Variants in GPC6 observed in about 807,000 individuals in gnomAD.
GPC6 encodes glypican-6.
A neutral mutation model predicts 55.2 loss-of-function variants in GPC6; 14 were observed. The observed-to-expected ratio is 0.25, with a 90% CI of 0.17 to 0.40. The LOEUF (loss-of-function observed/expected upper bound fraction) is 0.40, where lower values mean the gene tolerates loss of function less well. GPC6 is among the 10% of genes least tolerant of loss of function. The pLI is 1.00. For missense variants in GPC6, 641 were observed against 708.5 expected (o/e 0.90, Z 1.08); for synonymous variants, 278 against 259.6 (o/e 1.07, Z -0.68).
At chr13:93,546,762 C>T (rs1490796954) in intron 2 of GPC6, among the ~76,000 whole-genome samples, 1 of 152,150 alleles carries the variant, frequency 6.6e-6, no homozygotes, top group Non-Finnish European at 1.5e-5. Flanking sequence ...CTTCAAGCTA[C>T]AGCAATTTGA....
At chr13:93,731,570 G>C (rs1273508372) in intron 2 of GPC6, among the ~76,000 whole-genome samples, 1 of 152,108 alleles carries the variant, frequency 6.6e-6, no homozygotes. Flanking sequence ...TATATCAAAT[G>C]TATTGTATAT....
intron 3 of GPC6, among the ~76,000 whole-genome samples, chr13:93,906,384 A>G (rs1876671888): frequency 6.6e-6 from 1 of 152,162 alleles, no homozygotes; most frequent in Non-Finnish European, 1.5e-5. Context: ...TGAACAGCTT[A>G]TTATAGTTGG....
At chr13:94,310,793 G>A (rs1328405618) in intron 6 of GPC6, among the ~76,000 whole-genome samples, 1 of 151,968 alleles carries the variant, frequency 6.6e-6, no homozygotes. Context: ...TCTAATCTTG[G>A]TGGAAGACCA....
intron 1 of GPC6, among the ~76,000 whole-genome samples, chr13:93,533,292 T>G (rs1881936220): frequency 6.6e-6 from 1 of 152,230 alleles, no homozygotes; most frequent in African/African-American, 2.4e-5. Context: ...TAACTCCAGT[T>G]TAAATTATCT....
chr13:93,918,570 G>C (rs1380010298), intron 3 of GPC6, among the ~76,000 whole-genome samples: 1 of 152,112 alleles, frequency 6.6e-6, no homozygotes, highest in Non-Finnish European at 1.5e-5. Flanking sequence ...GAGAGTTCCA[G>C]TGCTAAAACA....
intron 4 of GPC6, among the ~76,000 whole-genome samples, chr13:94,225,944 G>A (rs1025261306): frequency 6.6e-6 from 1 of 152,046 alleles, no homozygotes; most frequent in Non-Finnish European, 1.5e-5. Flanking sequence ...TACATTCTGT[G>A]AATTCATAAT....
At chr13:93,928,288 G>T (rs1877964161) in intron 3 of GPC6, among the ~76,000 whole-genome samples, 1 of 152,054 alleles carries the variant, frequency 6.6e-6, no homozygotes, top group African/African-American at 2.4e-5. Flanking sequence ...GAGCAGTGTG[G>T]GAATGAAATT....
chr13:93,672,076 C>G (rs1294409942), intron 2 of GPC6, among the ~76,000 whole-genome samples: 2 of 150,478 alleles, frequency 1.3e-5, no homozygotes, highest in African/African-American at 4.9e-5. Context: ...AAGGAAAGAA[C>G]AAGGAACAGA....
chr13:93,973,581 G>C (rs922093961), intron 3 of GPC6, among the ~76,000 whole-genome samples: 1 of 152,064 alleles, frequency 6.6e-6, no homozygotes, highest in Non-Finnish European at 1.5e-5. Flanking sequence ...TTGTTTTGTG[G>C]TGAGACAACA....
intron 4 of GPC6, among the ~76,000 whole-genome samples, chr13:94,254,204 G>A (rs543989096): frequency 6.6e-6 from 1 of 152,268 alleles, no homozygotes; most frequent in South Asian, 2.1e-4. Flanking sequence ...TTCCTGAGCT[G>A]TAGGTAATAG....
intron 2 of GPC6, among the ~76,000 whole-genome samples, chr13:93,703,857 G>A (rs917450826): frequency 2.0e-5 from 3 of 151,940 alleles, no homozygotes; most frequent in African/African-American, 7.2e-5. Context: ...TCAAACAGAT[G>A]TTGTTATAAC....
chr13:93,862,291 A>G (rs1357948692), intron 3 of GPC6, among the ~76,000 whole-genome samples: 1 of 151,630 alleles, frequency 6.6e-6, no homozygotes, highest in African/African-American at 2.4e-5. Context: ...TTCAGCATTC[A>G]CATGAAAGTT....
chr13:94,021,649 A>G (rs1300340576), intron 3 of GPC6, among the ~76,000 whole-genome samples: 1 of 152,070 alleles, frequency 6.6e-6, no homozygotes, highest in African/African-American at 2.4e-5. Flanking sequence ...TGAGTTTCCA[A>G]ATGAACTCAA....
intron 3 of GPC6, among the ~76,000 whole-genome samples, chr13:93,860,577 G>A (rs761429966): frequency 9.2e-5 from 14 of 151,670 alleles, no homozygotes; most frequent in Non-Finnish European, 1.8e-4. Flanking sequence ...TTTCTGTGCA[G>A]AATGTCTCAG....
intron 4 of GPC6, among the ~76,000 whole-genome samples, chr13:94,036,001 G>A (rs1883319670): frequency 6.6e-6 from 1 of 151,964 alleles, no homozygotes; most frequent in South Asian, 2.1e-4. Flanking sequence ...TGTTTATTGT[G>A]AACAACTCTC....
intron 3 of GPC6, among the ~76,000 whole-genome samples, chr13:93,882,065 CT>C (rs1875013919): frequency 6.6e-6 from 1 of 151,614 alleles, no homozygotes; most frequent in African/African-American, 2.4e-5. Flanking sequence ...TCCCTCCTTT[CT>C]TTTCTTTTCT....
chr13:93,354,519 AT>A lies in GPC6; in HGVS notation c.160+126921del, dbSNP rs775211146. Among the ~76,000 whole-genome samples, 463 of 51,756 alleles carry A rather than the reference AT, an allele frequency of 8.9e-3. 2 individuals carry two copies. The highest frequency in any genetic ancestry group is 0.011 in the Middle Eastern group (1 of 88). 34.0% of individuals were successfully genotyped at this position (51,756 alleles called of 152,430 possible). On this transcript the variant is annotated intron_variant, in intron 1 of 8. Transcript: ENST00000377047. ...GTGCCCGCTACCACACTCGGCTATT[AT>A]TTTTTTTTTTTTTTTTTGGATTTTT...
At chr13:93,635,447 G>C (rs1879652441) in intron 2 of GPC6, among the ~76,000 whole-genome samples, 1 of 152,196 alleles carries the variant, frequency 6.6e-6, no homozygotes, top group African/African-American at 2.4e-5. Flanking sequence ...GTAGAAGATG[G>C]ATGTCAGAAG....
At position 93,353,227 on chromosome 13, in the gene GPC6, A is replaced by G. The variant is rs575572475; in HGVS notation, c.160+125611A>G. Reference sequence around the variant, plus strand: ...ATGCCTTTAGGCATACGATAAAGTAATTTGGAAGCTGCTAGCATCATGATG... The same window carrying G: ...ATGCCTTTAGGCATACGATAAAGTAGTTTGGAAGCTGCTAGCATCATGATG... On this transcript the variant is annotated intron_variant, in intron 1 of 8. Coordinates refer to ENST00000377047, the MANE Select transcript of GPC6 (RefSeq NM_005708.5). Among the ~76,000 whole-genome samples, 115 of 152,322 alleles carry G rather than the reference A, an allele frequency of 7.5e-4. 1 individual carries two copies. Among genetic ancestry groups the G allele is most frequent in the African/African-American group, 2.6e-3 (110 of 41,582 alleles).
Sources: gnomAD v4.1 joint callset for allele counts (sites outside exome capture counted in the v4.1 genomes callset) on GRCh38, gnomAD v4.1.1 for gene constraint, MANE v1.5 for transcripts, NCBI Gene and HGNC (gene_info 2026-07-23, HGNC 2026-07-21) for gene names.